The following MVB12B variants were observed in gnomAD, a reference collection of about 807,000 sequenced individuals.
MVB12B encodes multivesicular body subunit 12B, also known as ESCRT-I complex subunit MVB12B.
In MVB12B, 16 loss-of-function variants were observed where a neutral mutation model predicts 41.6. The ratio of observed to expected loss-of-function variants is 0.38; its 90% CI spans 0.26 to 0.58. The LOEUF (loss-of-function observed/expected upper bound fraction) is 0.58, where lower values mean the gene tolerates loss of function less well. Ranked by LOEUF, MVB12B falls within the 20% of genes least tolerant of loss-of-function variation. MVB12B has a pLI of 0.62. For synonymous variants in MVB12B, 133 were observed against 139.7 expected, an observed-to-expected ratio of 0.95 and a Z score of 0.34; for missense variants, 274 against 380.2, an observed-to-expected ratio of 0.72 and a Z score of 2.32.
At chr9:126,430,501 G>T (rs1217661256) in intron 7 of MVB12B, among the ~76,000 whole-genome samples, 1 of 152,044 alleles carries the variant, frequency 6.6e-6, no homozygotes, top group East Asian at 1.9e-4. Flanking sequence ...ACACTACTCT[G>T]TTGGAGAGTT....
intron 7 of MVB12B, chr9:126,448,103 C>T (rs1832822581): frequency 1.3e-5 from 2 of 153,040 alleles, no homozygotes; most frequent in Non-Finnish European, 2.9e-5. Context: ...CTGTTCCCCA[C>T]CACATCCCTG....
At chr9:126,414,206 G>A (rs1421233266) in intron 6 of MVB12B, among the ~76,000 whole-genome samples, 1 of 152,210 alleles carries the variant, frequency 6.6e-6, no homozygotes, top group Admixed American at 6.5e-5. Flanking sequence ...GCAGCTTAGT[G>A]GCCATGTTAA....
intron 3 of MVB12B, among the ~76,000 whole-genome samples, chr9:126,381,628 G>A (rs1026478858): frequency 1.3e-5 from 2 of 151,428 alleles, no homozygotes; most frequent in South Asian, 2.1e-4. Flanking sequence ...ATCACATTTC[G>A]TTATTTTTGT....
intron 4 of MVB12B, among the ~76,000 whole-genome samples, chr9:126,387,073 G>A (rs1157086783): frequency 6.6e-6 from 1 of 152,050 alleles, no homozygotes; most frequent in South Asian, 2.1e-4. Flanking sequence ...TTTGGGGCCC[G>A]TTGAGCAAAC....
intron 5 of MVB12B, among the ~76,000 whole-genome samples, chr9:126,394,136 C>T (rs921372153): frequency 2.4e-4 from 37 of 152,190 alleles, no homozygotes; most frequent in Non-Finnish European, 1.9e-4. Context: ...TCCCGTTTTG[C>T]AACACGGTTT....
chr9:126,366,929 G>A (rs760612182), intron 2 of MVB12B, among the ~76,000 whole-genome samples: 3 of 152,038 alleles, frequency 2.0e-5, no homozygotes, highest in South Asian at 2.1e-4. Context: ...TTCCCAAACC[G>A]AACTCCTCTT....
intron 7 of MVB12B, among the ~76,000 whole-genome samples, chr9:126,452,610 CAGTT>C (rs1009983769): frequency 1.2e-4 from 18 of 152,156 alleles, no homozygotes; most frequent in South Asian, 2.1e-4. Context: ...TCTCTGTTCT[CAGTT>C]AGTAAGTGAG....
At chr9:126,335,500 C>A in intron 1 of MVB12B, 1 of 864,550 alleles carries the variant, frequency 1.2e-6, no homozygotes, top group Non-Finnish European at 1.7e-6. Context: ...TCCTTGGGGA[C>A]AGGCAGTCCC....
At chr9:126,430,125 C>T (rs566493898) in intron 7 of MVB12B, among the ~76,000 whole-genome samples, 2 of 152,310 alleles carry the variant, frequency 1.3e-5, no homozygotes, top group East Asian at 3.9e-4. Flanking sequence ...TTTCTAGCCT[C>T]AGCCCAGTTG....
chr9:126,479,678 C>A (rs10987295), intron 7 of MVB12B, among the ~76,000 whole-genome samples: 2 of 152,058 alleles, frequency 1.3e-5, no homozygotes, highest in African/African-American at 4.8e-5. Context: ...GGCCTCTGAC[C>A]AGGAGTCTCT....
intron 6 of MVB12B, among the ~76,000 whole-genome samples, chr9:126,413,818 T>TTGTGTGTGTGTGTGTGTGTG (rs34089808): frequency 6.4e-5 from 7 of 109,390 alleles, no homozygotes; most frequent in East Asian, 5.4e-4. Context: ...ACCCCATTGG[T>TTGTGTGTGTGTGTGTGTGTG]TGTGTGTGTG....
intron 9 of MVB12B, among the ~76,000 whole-genome samples, chr9:126,494,680 G>C (rs1204542224): frequency 6.6e-6 from 1 of 152,144 alleles, no homozygotes; most frequent in Admixed American, 6.5e-5. Flanking sequence ...CAAGACAAAG[G>C]GTGGGGAGGG....
intron 6 of MVB12B, among the ~76,000 whole-genome samples, chr9:126,414,541 T>G (rs1377243047): frequency 2.6e-5 from 4 of 152,214 alleles, no homozygotes; most frequent in Middle Eastern, 3.2e-3. Flanking sequence ...GTGGCAGACA[T>G]GGTTGTCCTC....
chr9:126,385,779 G>A (rs1207003607), intron 3 of MVB12B, among the ~76,000 whole-genome samples: 1 of 152,172 alleles, frequency 6.6e-6, no homozygotes, highest in African/African-American at 2.4e-5. Flanking sequence ...AATCTCCAAA[G>A]TGGCCCCACA....
intron 9 of MVB12B, among the ~76,000 whole-genome samples, chr9:126,492,825 CAGAG>C (rs960584687): frequency 2.0e-5 from 3 of 152,238 alleles, no homozygotes; most frequent in African/African-American, 4.8e-5. Flanking sequence ...GCCTGGGTGA[CAGAG>C]AGAGACCCTG....
intron 2 of MVB12B, among the ~76,000 whole-genome samples, chr9:126,377,858 C>T (rs1196078205): frequency 6.6e-6 from 1 of 152,246 alleles, no homozygotes; most frequent in Non-Finnish European, 1.5e-5. Flanking sequence ...ACATCACTTT[C>T]CAGACTTGGT....
At chr9:126,439,563 G>A (rs886633737) in intron 7 of MVB12B, among the ~76,000 whole-genome samples, 2 of 152,154 alleles carry the variant, frequency 1.3e-5, no homozygotes, top group Admixed American at 6.5e-5. Flanking sequence ...TAATTAAACC[G>A]AACATGAAGA....
At chr9:126,337,331 C>T (rs1829311500) in intron 1 of MVB12B, among the ~76,000 whole-genome samples, 1 of 152,154 alleles carries the variant, frequency 6.6e-6, no homozygotes, top group Admixed American at 6.5e-5. Flanking sequence ...ACAAACATGG[C>T]CTTAGCTCAT....
rs1392025549 is a variant in MVB12B, at chr9:126,334,360, AG to A, written c.82-6147del. Among the ~76,000 whole-genome samples, 14 of 152,356 alleles carry A rather than the reference AG, an allele frequency of 9.2e-5. 1 individual carries two copies. The highest frequency in any genetic ancestry group is 7.2e-4 in the Admixed American group (11 of 15,306). Reference sequence around the variant, plus strand: ...GGTTTGAGGTATTTTGGAAGTCATTAGCATATGGGTAGAATGATTAGATGAC... The same window carrying A: ...GGTTTGAGGTATTTTGGAAGTCATTACATATGGGTAGAATGATTAGATGAC... On this transcript the variant is annotated intron_variant, in intron 1 of 9. Coordinates refer to ENST00000361171, the MANE Select transcript of MVB12B (RefSeq NM_033446.3).
Sources: gnomAD v4.1 joint callset for allele counts (sites outside exome capture counted in the v4.1 genomes callset) on GRCh38, gnomAD v4.1.1 for gene constraint, MANE v1.5 for transcripts, NCBI Gene and HGNC (gene_info 2026-07-23, HGNC 2026-07-21) for gene names.